The following MYO15B variants were observed in gnomAD, a reference collection of about 807,000 sequenced individuals.
MYO15B encodes myosin XVB pseudogene.
Under a neutral mutation model 119.3 loss-of-function variants are expected in MYO15B, and 207 were observed. The ratio of observed to expected loss-of-function variants is 1.73; its 90% CI spans 1.55 to 1.95. The LOEUF (loss-of-function observed/expected upper bound fraction) is 1.95, where lower values mean the gene tolerates loss of function less well. MYO15B is among the 30% of genes most tolerant of loss of function. The probability of loss-of-function intolerance (pLI) is 0.00; values close to 1 mark genes in which losing one functional copy is unlikely to be tolerated. For synonymous variants in MYO15B, 966 were observed against 498.9 expected (o/e 1.94, Z -12.48); for missense variants, 2,264 against 1,203.1 (o/e 1.88, Z -13.04).
exon 29 of MYO15B, chr17:75,613,730 G>A: frequency 1.4e-6 from 1 of 702,564 alleles, no homozygotes; most frequent in Non-Finnish European, 2.6e-6. Flanking sequence ...CCGAGGTGGA[G>A]TCTTGGACCA....
intron 43 of MYO15B, 106 bp from the exon 44 acceptor site, chr17:75,619,037 C>A (rs77108601): frequency 6.5e-5 from 44 of 673,410 alleles, no homozygotes; most frequent in African/African-American, 6.5e-4. Context: ...GGGGCCAGGG[C>A]GCCCTCCATC....
chr17:75,618,636 G>A (rs180876918), intron 43 of MYO15B, among the ~76,000 whole-genome samples: 4 of 152,326 alleles, frequency 2.6e-5, no homozygotes, highest in African/African-American at 9.6e-5. Context: ...GTGACAGAGC[G>A]AGACTGTGTC....
chr17:75,595,915 A>G (rs762283299), intron 12 of MYO15B, among the ~76,000 whole-genome samples: 14 of 152,162 alleles, frequency 9.2e-5, no homozygotes, highest in Admixed American at 2.0e-4. Context: ...GGCACTATTC[A>G]TGGCCCCCTG....
intron 14 of MYO15B, among the ~76,000 whole-genome samples, chr17:75,597,196 C>G (rs920052626): frequency 6.6e-6 from 1 of 152,178 alleles, no homozygotes; most frequent in South Asian, 2.1e-4. Context: ...GGCAAGGTGG[C>G]GGGGACTGCA....
At chr17:75,608,525 C>T (rs1396835804) in intron 21 of MYO15B, among the ~76,000 whole-genome samples, 2 of 151,954 alleles carry the variant, frequency 1.3e-5, no homozygotes, top group Admixed American at 1.3e-4. Flanking sequence ...CCTGTAATCC[C>T]AGCTCCTCAG....
chr17:75,621,567 C>G (rs1223316159), exon 52 of MYO15B: 1 of 701,216 alleles, frequency 1.4e-6, no homozygotes, highest in Non-Finnish European at 2.6e-6. Flanking sequence ...AGCCAGCTTC[C>G]TGGGTGAGTG....
chr17:75,619,755 C>T, exon 46 of MYO15B: 3 of 702,912 alleles, frequency 4.3e-6, no homozygotes, highest in South Asian at 1.5e-5. Flanking sequence ...TGACCCAAGG[C>T]CCCGGCCTCC....
chr17:75,621,421 C>A lies in MYO15B; in HGVS notation c.7935+13C>A, dbSNP rs1215072910. On this transcript the variant is annotated intron_variant, in intron 51 of 63. Transcript: ENST00000645453. Reference sequence around the variant, plus strand: ...GCAGTACACCAAGGTGGGAGAGAGGCAGGGAGGGGTCTGGCCCGTAGATCT... The same window carrying A: ...GCAGTACACCAAGGTGGGAGAGAGGAAGGGAGGGGTCTGGCCCGTAGATCT... 1.4e-6 allele frequency: 1 copy of A among 699,686 alleles called. No individual in the cohort carries two copies. Among genetic ancestry groups the A allele is most frequent in the Non-Finnish European group, 2.6e-6 (1 of 382,416 alleles). The allele number at this position is 699,686 out of a possible 1,614,324, so 43.3% of individuals were successfully genotyped here.
rs1304874029 is a variant in MYO15B, at chr17:75,589,832, G to A, written c.1775G>A (p.Ser592Asn). ...GGGCACAGTGAGGGGTGCAGGACGA[G>A]TGGGGAAGGGGTGTCCGGGCTTCGT... Residue 592 changes from serine to asparagine, a missense_variant, in exon 1 of 64, where the codon AGT becomes AAT. By Grantham distance (46) the Ser-to-Asn change is conservative. Transcript: ENST00000645453. This position sits in a 1 kb window ranked among gnomAD's most constrained non-coding sequence, Gnocchi z 4.2. 2.0e-5 allele frequency: 8 copies of A among 398,466 alleles called. No homozygotes were observed. The highest frequency in any genetic ancestry group is 3.5e-5 in the Non-Finnish European group (8 of 225,990). 24.7% of individuals were successfully genotyped at this position (398,466 alleles called of 1,614,324 possible). A position where few individuals can be genotyped will look rare whatever the true frequency, so the allele number is the denominator to read the frequency against.
intron 21 of MYO15B, among the ~76,000 whole-genome samples, 179 bp from the exon 22 acceptor site, chr17:75,609,987 G>A (rs1396697524): frequency 6.6e-6 from 1 of 152,212 alleles, no homozygotes; most frequent in East Asian, 1.9e-4. Flanking sequence ...CACCGCACCC[G>A]ACCCTTGCTT....
intron 61 of MYO15B, 67 bp downstream of exon 61, chr17:75,625,727 G>C: frequency 1.4e-6 from 1 of 701,146 alleles, no homozygotes; most frequent in Non-Finnish European, 2.6e-6. Context: ...TGCAGGTAGA[G>C]GGGCGAGGAG....
At chr17:75,610,601 T>C (rs1021774368) in intron 22 of MYO15B, 26 of 542,474 alleles carry the variant, frequency 4.8e-5, no homozygotes, top group Non-Finnish European at 6.9e-5. Context: ...CAAAGGTCAA[T>C]GCCCACGTGC....
chr17:75,596,687 T>C, intron 13 of MYO15B, 81 bp from the exon 14 acceptor site: 1 of 669,750 alleles, frequency 1.5e-6, no homozygotes, highest in East Asian at 2.7e-5. Flanking sequence ...GTCTCAGTCT[T>C]CTGAGCCTCA....
chr17:75,623,492 T>C (rs1022481047), intron 53 of MYO15B, among the ~76,000 whole-genome samples: 2 of 152,002 alleles, frequency 1.3e-5, no homozygotes, highest in African/African-American at 4.8e-5. Flanking sequence ...TAGCTGGGCG[T>C]GGTGGCACGC....
At chr17:75,621,515 G>T (rs1438777237) in exon 52 of MYO15B, 1 of 702,284 alleles carries the variant, frequency 1.4e-6, no homozygotes, top group Non-Finnish European at 2.6e-6. Context: ...CCATCCAGGA[G>T]TCGCTCCTCA....
At chr17:75,602,175 A>C in intron 15 of MYO15B, 1 of 369,918 alleles carries the variant, frequency 2.7e-6, no homozygotes, top group South Asian at 2.5e-5. Context: ...GCCCCCAAAA[A>C]AGAAATACAA....
At position 75,605,912 on chromosome 17, in the gene MYO15B, C is replaced by T; in HGVS notation, c.4183C>T (p.Gln1395Ter). The stretch of plus-strand genomic sequence containing the variant: ...GCAGCGGCTGGAGGAGCTCCGGGAC[C>T]AGCAGCGCTCCCAGGCCCTGGTCGA... Residue 1395 changes from glutamine (Q) to a stop codon, truncating the protein, a stop_gained, in exon 21 of 64, where the codon CAG (glutamine) becomes TAG (stop). Coordinates refer to ENST00000645453, the Ensembl canonical transcript of MYO15B. LOFTEE classifies it high-confidence loss of function. 2.8e-6 allele frequency: 2 copies of T among 702,242 alleles called. No individual in the cohort carries two copies. The highest frequency in any genetic ancestry group is 2.6e-6 in the Non-Finnish European group (1 of 384,626). The allele number at this position is 702,242 out of a possible 1,614,324, so 43.5% of individuals were successfully genotyped here.
At chr17:75,614,803 G>C in exon 32 of MYO15B, 3 of 702,832 alleles carry the variant, frequency 4.3e-6, no homozygotes, top group Non-Finnish European at 7.8e-6. Context: ...AGCCTGGACG[G>C]CTTCCTGGAC....
At chr17:75,620,494 G>C in exon 49 of MYO15B, 1 of 702,758 alleles carries the variant, frequency 1.4e-6, no homozygotes, top group Non-Finnish European at 2.6e-6. Context: ...GCCGGGGGCC[G>C]TTCCGGACTC....
Sources: gnomAD v4.1 joint callset for allele counts (sites outside exome capture counted in the v4.1 genomes callset) on GRCh38, gnomAD v4.1.1 for gene constraint, Gnocchi (gnomAD v3.1) non-coding constraint, MANE v1.5 for transcripts, NCBI Gene and HGNC (gene_info 2026-07-23, HGNC 2026-07-21) for gene names.